RETREG3: variants seen among roughly 807,000 people sequenced by gnomAD.
The protein encoded by RETREG3 is reticulophagy regulator 3.
In RETREG3, 23 loss-of-function variants were observed where a neutral mutation model predicts 50.2. That is an observed-to-expected ratio of 0.46 (90% CI 0.33 to 0.65). The LOEUF (loss-of-function observed/expected upper bound fraction) is 0.65, where lower values mean the gene tolerates loss of function less well. Among genes scored for constraint, RETREG3 ranks in the 30% least tolerant of loss-of-function variants. The pLI is 0.02. For synonymous variants in RETREG3, 240 were observed against 234.4 expected (o/e 1.02, Z -0.22); for missense variants, 546 against 598.0 (o/e 0.91, Z 0.91).
At chr17:42,585,376 C>T in intron 5 of RETREG3, 114 bp from the exon 6 acceptor site, 3 of 1,390,554 alleles carry the variant, frequency 2.2e-6, no homozygotes, top group Non-Finnish European at 1.9e-6. Context: ...TGGAACAGAT[C>T]TGCCCAAGTC....
chr17:42,590,596 C>T (rs138218261), intron 2 of RETREG3, among the ~76,000 whole-genome samples: 2 of 151,458 alleles, frequency 1.3e-5, no homozygotes, highest in Non-Finnish European at 1.5e-5. Flanking sequence ...TGCTGGAGCC[C>T]GGAAGGTTGA....
chr17:42,589,635 C>T (rs1258440365), intron 2 of RETREG3, among the ~76,000 whole-genome samples: 2 of 152,116 alleles, frequency 1.3e-5, no homozygotes, highest in African/African-American at 4.8e-5. Flanking sequence ...GGTTTCGCCA[C>T]GTTGTCCAGG....
At position 42,603,700 on chromosome 17, in the gene RETREG3, G is replaced by A. The variant is rs143864498; in HGVS notation, c.239+5386C>T. Among the ~76,000 whole-genome samples the A allele has an allele frequency of 9.8e-3, 1,488 of 152,246 alleles. 24 individuals carry two copies. The highest frequency in any genetic ancestry group is 0.034 in the African/African-American group (1,428 of 41,524). ...TTCATTAGAAATCTGATGTGTAGCCGGGCGCGGTGGCTCACGCCTGTAATC... is the reference window on the plus strand; with the variant it reads ...TTCATTAGAAATCTGATGTGTAGCCAGGCGCGGTGGCTCACGCCTGTAATC... On this transcript the variant is annotated intron_variant, in intron 1 of 8. Transcript: ENST00000309428.
chr17:42,583,572 T>C lies in RETREG3; in HGVS notation c.736A>G (p.Arg246Gly), dbSNP rs776902978. The part of the protein sequence containing the change: ...SKQRERQLRR[R>G]ALHPERAMDN... ...ATGGCTCGTTCTGGGTGGAGAGCTC[T>C]GCGGCGTACTGTGGGAAGAGCACAA... Residue 246 changes from arginine to glycine, a missense_variant, in exon 7 of 9, where the codon AGA becomes GGA. By Grantham distance (125) the Arg-to-Gly change is moderately radical (BLOSUM62 -2). Coordinates refer to ENST00000309428, the MANE Select transcript of RETREG3 (RefSeq NM_178126.4). 6.2e-7 allele frequency: 1 copy of C among 1,613,630 alleles called. No individual in the cohort carries two copies. Among genetic ancestry groups the C allele is most frequent in the Admixed American group, 1.7e-5 (1 of 59,992 alleles).
chr17:42,596,379 AAAAAAAAAAAAAAAAAAAAAG>A (rs2093144791), intron 1 of RETREG3, among the ~76,000 whole-genome samples: 1 of 147,236 alleles, frequency 6.8e-6, no homozygotes, highest in East Asian at 2.0e-4. Flanking sequence ...AAAAAAAAAA[AAAAAAAAAAAAAAAAAAAAAG>A]AAATAAAAAT....
Position 42,609,155 on chromosome 17 carries a change from T to C in RETREG3, c.170A>G (p.Gln57Arg), listed in dbSNP as rs1430645805. The change falls in exon 1 of 9, where the codon CAG becomes CGG. Residue 57 changes from glutamine to arginine, a missense_variant. Physicochemically the swap from Gln to Arg is conservative, Grantham distance 43. Coordinates refer to ENST00000309428, the MANE Select transcript of RETREG3 (RefSeq NM_178126.4). ...GPYEPLLSRV[Q>R]AALVWERPAR... ...TGGCCGCTCCCACACCAGGGCTGCC[T>C]GCACCCGACTCAGCAGAGGCTCGTA... The C allele has an allele frequency of 6.2e-7, 1 of 1,610,308 alleles. No individual in the cohort carries two copies. The highest frequency in any genetic ancestry group is 2.2e-5 in the East Asian group (1 of 44,868).
At chr17:42,582,414 A>G in intron 8 of RETREG3, 144 bp from the exon 9 acceptor site, 1 of 872,832 alleles carries the variant, frequency 1.1e-6, no homozygotes, top group Non-Finnish European at 1.7e-6. Context: ...CTCCACTTAT[A>G]GGTGGCTGTG....
chr17:42,581,882 C>G lies in RETREG3; in HGVS notation c.1332G>C (p.Gly444=), dbSNP rs776532520. The change falls in exon 9 of 9, where the codon GGG becomes GGC. Residue 444 remains glycine, a synonymous_variant. Transcript: ENST00000309428. ...ACTGGTCCAGAAGTTCAAAGTCATC[C>G]CCCTCAGCATCAGTGTCCAGGTCTG... ...PSSDLDTDAE[G]DDFELLDQSE... is the part of the protein sequence containing the mutation. The G allele has an allele frequency of 1.3e-5, 21 of 1,613,324 alleles. No individual in the cohort carries two copies. Among genetic ancestry groups the G allele is most frequent in the Non-Finnish European group, 1.7e-5 (20 of 1,179,490 alleles).
rs2093104501 is a variant in RETREG3, at chr17:42,580,261, T to C, written c.*1552A>G. On this transcript the variant is annotated 3_prime_UTR_variant, in exon 9 of 9. Transcript: ENST00000309428. ...CACCAAGTTGGGAAGCAGTTGAAAA[T>C]AAAAGCTGTAAAGGAGCTGAACAGG... is the stretch of plus-strand genomic sequence containing the variant. 1 of 152,524 alleles carries C rather than the reference T, an allele frequency of 6.6e-6. No homozygotes were observed. 9.4% of individuals were successfully genotyped at this position (152,524 alleles called of 1,614,324 possible).
chr17:42,604,040 C>A (rs1368723450), intron 1 of RETREG3, among the ~76,000 whole-genome samples: 2 of 146,026 alleles, frequency 1.4e-5, no homozygotes, highest in Non-Finnish European at 3.0e-5. Flanking sequence ...AATATCTCTA[C>A]TTAAATGGGC....
intron 1 of RETREG3, among the ~76,000 whole-genome samples, chr17:42,605,510 C>T (rs2143432753): frequency 6.6e-6 from 1 of 152,298 alleles, no homozygotes; most frequent in South Asian, 2.1e-4. Flanking sequence ...TATGACACTA[C>T]TAGAATGTGA....
At chr17:42,585,384 G>A in intron 5 of RETREG3, 122 bp from the exon 6 acceptor site, 5 of 1,367,740 alleles carry the variant, frequency 3.7e-6, no homozygotes, top group Non-Finnish European at 4.9e-6. Flanking sequence ...ATCTGCCCAA[G>A]TCTGCCAGTC....
chr17:42,596,417 GTTT>G (rs1181167420), intron 1 of RETREG3: 2 of 124,092 alleles, frequency 1.6e-5, no homozygotes, highest in African/African-American at 6.0e-5. Context: ...AAATGTTTTA[GTTT>G]TTTTCTTATT....
chr17:42,580,083 T>C lies in RETREG3; in HGVS notation c.*1730A>G, dbSNP rs967598052. ...GCTCTGCTTGGGGAGGCAGAGGCTATAGACTGGCACAGGTTTAGAATCAAG... is the reference window on the plus strand; with the variant it reads ...GCTCTGCTTGGGGAGGCAGAGGCTACAGACTGGCACAGGTTTAGAATCAAG... On this transcript the variant is annotated 3_prime_UTR_variant, in exon 9 of 9. Transcript: ENST00000309428. 1 of 152,752 alleles carries C rather than the reference T, an allele frequency of 6.5e-6. No individual in the cohort carries two copies. The highest frequency in any genetic ancestry group is 1.5e-5 in the Non-Finnish European group (1 of 68,082). The allele number at this position is 152,752 out of a possible 1,614,324, so 9.5% of individuals were successfully genotyped here.
chr17:42,595,666 C>CTTTTT (rs770492649), intron 1 of RETREG3, among the ~76,000 whole-genome samples: 10 of 134,452 alleles, frequency 7.4e-5, no homozygotes, highest in African/African-American at 1.1e-4. Flanking sequence ...TTCTTTCTTT[C>CTTTTT]TTTTTTTTTT....
chr17:42,582,594 C>T, intron 8 of RETREG3, 80 bp downstream of exon 8: 1 of 1,563,990 alleles, frequency 6.4e-7, no homozygotes, highest in Non-Finnish European at 8.7e-7. Flanking sequence ...GAGGGGCAAG[C>T]ACCAGTATCC....
intron 1 of RETREG3, among the ~76,000 whole-genome samples, chr17:42,603,236 A>T (rs1457482011): frequency 1.3e-5 from 2 of 152,216 alleles, no homozygotes; most frequent in Admixed American, 1.3e-4. Context: ...CCAGTAAATT[A>T]AAGTTTGCTA....
At chr17:42,601,824 G>C (rs536665744) in intron 1 of RETREG3, among the ~76,000 whole-genome samples, 2 of 151,216 alleles carry the variant, frequency 1.3e-5, no homozygotes, top group East Asian at 4.0e-4. Flanking sequence ...GTAGAGATGG[G>C]GTTTCTCCAT....
chr17:42,595,720 G>A (rs1454861562), intron 1 of RETREG3, among the ~76,000 whole-genome samples: 1 of 142,034 alleles, frequency 7.0e-6, no homozygotes, highest in African/African-American at 2.7e-5. Context: ...CCAGGCTGGA[G>A]TGCAATGGCA....
Sources: gnomAD v4.1 joint callset for allele counts (sites outside exome capture counted in the v4.1 genomes callset) on GRCh38, gnomAD v4.1.1 for gene constraint, MANE v1.5 for transcripts, NCBI Gene and HGNC (gene_info 2026-07-23, HGNC 2026-07-21) for gene names.